ASPRV1: variants seen among roughly 807,000 people sequenced by gnomAD.
ASPRV1 encodes the protein aspartic peptidase retroviral like 1.
A neutral mutation model predicts 11.0 loss-of-function variants in ASPRV1; 7 were observed. The observed-to-expected ratio is 0.64, with a 90% CI of 0.36 to 1.20. The LOEUF (loss-of-function observed/expected upper bound fraction) is 1.20, where lower values mean the gene tolerates loss of function less well. Among genes scored for constraint, ASPRV1 ranks in the 50% most tolerant of loss-of-function variants. The pLI, the probability that ASPRV1 is intolerant of heterozygous loss-of-function variation, is 0.02. For synonymous variants in ASPRV1, 136 were observed against 138.4 expected, an observed-to-expected ratio of 0.98 and a Z score of 0.12; for missense variants, 299 against 320.0, an observed-to-expected ratio of 0.93 and a Z score of 0.50.
chr2:69,973,612 T>G, the ASPRV1 span, among the ~76,000 whole-genome samples: 1 of 152,226 alleles, frequency 6.6e-6, no homozygotes, highest in African/African-American at 2.4e-5. Context: ...CCTCCCAAAG[T>G]GCTGGGATCA....
chr2:70,029,076 G>C, the ASPRV1 span, among the ~76,000 whole-genome samples: 39 of 152,180 alleles, frequency 2.6e-4, no homozygotes, highest in Middle Eastern at 3.2e-3. Context: ...CTCAGAGTAG[G>C]GGGTAGGGGA....
chr2:70,024,638 T>C, the ASPRV1 span, among the ~76,000 whole-genome samples: 1 of 152,162 alleles, frequency 6.6e-6, no homozygotes, highest in Non-Finnish European at 1.5e-5. Flanking sequence ...TTCTTCTCCC[T>C]CTTTCTCAAT....
the ASPRV1 span, among the ~76,000 whole-genome samples, chr2:70,085,284 C>G: frequency 2.0e-5 from 3 of 152,186 alleles, no homozygotes; most frequent in Non-Finnish European, 2.9e-5. Context: ...CCGACAGACA[C>G]CTGAGCCTCT....
At chr2:69,950,221 T>C in the ASPRV1 span, among the ~76,000 whole-genome samples, 1 of 152,352 alleles carries the variant, frequency 6.6e-6, no homozygotes, top group African/African-American at 2.4e-5. Context: ...AGGACATCAC[T>C]GGCCCCCAGG....
At chr2:69,938,156 A>G in the ASPRV1 span, 3 of 1,614,126 alleles carry the variant, frequency 1.9e-6, no homozygotes, top group African/African-American at 1.3e-5. Context: ...GGACTGGAGC[A>G]GCAGCAGTGT....
At chr2:69,951,714 ACAAAG>A in the ASPRV1 span, among the ~76,000 whole-genome samples, 1 of 152,034 alleles carries the variant, frequency 6.6e-6, no homozygotes, top group African/African-American at 2.4e-5. Flanking sequence ...GAAAGAATAA[ACAAAG>A]CAATAAAAAT....
At chr2:70,006,298 G>A in the ASPRV1 span, among the ~76,000 whole-genome samples, 3 of 152,152 alleles carry the variant, frequency 2.0e-5, no homozygotes, top group African/African-American at 4.8e-5. Flanking sequence ...TCCCACCTCC[G>A]CAAAGGTCTG....
the ASPRV1 span, among the ~76,000 whole-genome samples, chr2:69,977,111 G>A: frequency 6.6e-6 from 1 of 151,940 alleles, no homozygotes; most frequent in Admixed American, 6.6e-5. Context: ...AGAATCACTT[G>A]AACATGGGAG....
chr2:69,943,949 T>A, the ASPRV1 span, among the ~76,000 whole-genome samples: 11 of 152,392 alleles, frequency 7.2e-5, no homozygotes, highest in Admixed American at 7.2e-4. Flanking sequence ...TTAAGTTAAC[T>A]GCATTGGCAT....
At chr2:69,981,286 C>T in the ASPRV1 span, among the ~76,000 whole-genome samples, 100 of 152,114 alleles carry the variant, frequency 6.6e-4, no homozygotes, top group African/African-American at 2.3e-3. Context: ...TATGCTGCAT[C>T]CAATGATGAT....
chr2:69,998,601 C>T, the ASPRV1 span, among the ~76,000 whole-genome samples: 3 of 151,868 alleles, frequency 2.0e-5, no homozygotes, highest in Non-Finnish European at 2.9e-5. Flanking sequence ...CGGTGGTGGG[C>T]GCCTGTAGTC....
chr2:69,945,798 C>G, the ASPRV1 span, among the ~76,000 whole-genome samples: 1 of 152,170 alleles, frequency 6.6e-6, no homozygotes, highest in Non-Finnish European at 1.5e-5. Flanking sequence ...AGCGGGTGGA[C>G]TGGGGGTATT....
At chr2:70,084,122 A>G in the ASPRV1 span, among the ~76,000 whole-genome samples, 2 of 152,224 alleles carry the variant, frequency 1.3e-5, no homozygotes, top group African/African-American at 4.8e-5. Context: ...GGAAGGCTTC[A>G]CTGAGGAGGT....
the ASPRV1 span, among the ~76,000 whole-genome samples, chr2:69,967,998 C>T: frequency 6.6e-6 from 1 of 152,126 alleles, no homozygotes; most frequent in Non-Finnish European, 1.5e-5. Flanking sequence ...AGGAGAATTG[C>T]TTGAACCCAG....
At chr2:69,940,240 A>G in the ASPRV1 span, 2 of 151,590 alleles carry the variant, frequency 1.3e-5, no homozygotes, top group African/African-American at 2.4e-5. Context: ...TTGCATTTTT[A>G]AAGCCTGCTT....
At chr2:69,952,554 GAAGAA>G in the ASPRV1 span, among the ~76,000 whole-genome samples, 2 of 144,510 alleles carry the variant, frequency 1.4e-5, no homozygotes, top group African/African-American at 2.6e-5. Flanking sequence ...GAAGGGAAAG[GAAGAA>G]AAGAAAAGAA....
chr2:69,956,547 A>AGGAGGAGG, downstream of ASPRV1, among the ~76,000 whole-genome samples: 1 of 151,624 alleles, frequency 6.6e-6, no homozygotes, highest in Admixed American at 6.6e-5. Context: ...GGAGGAGAAG[A>AGGAGGAGG]AGAAGAAGGA....
At chr2:69,952,517 A>G in the ASPRV1 span, among the ~76,000 whole-genome samples, 1 of 151,700 alleles carries the variant, frequency 6.6e-6, no homozygotes, top group Non-Finnish European at 1.5e-5. Context: ...AAAGAAAAAG[A>G]AAAAGAAAGG....
At chr2:70,043,532 A>G in the ASPRV1 span, among the ~76,000 whole-genome samples, 1 of 152,192 alleles carries the variant, frequency 6.6e-6, no homozygotes, top group African/African-American at 2.4e-5. Flanking sequence ...GCACCTTTGC[A>G]TGGATACCCC....
Sources: gnomAD v4.1 joint callset for allele counts (sites outside exome capture counted in the v4.1 genomes callset) on GRCh38, gnomAD v4.1.1 for gene constraint, MANE v1.5 for transcripts, NCBI Gene and HGNC (gene_info 2026-07-23, HGNC 2026-07-21) for gene names.